The following LAMC2 variants were observed in gnomAD, a reference collection of about 807,000 sequenced individuals.
The protein encoded by LAMC2 is laminin subunit gamma-2.
Under a neutral mutation model 140.2 loss-of-function variants are expected in LAMC2, and 97 were observed. The ratio of observed to expected loss-of-function variants is 0.69; its 90% CI spans 0.59 to 0.82. The LOEUF (loss-of-function observed/expected upper bound fraction) is 0.82. Among genes scored for constraint, LAMC2 ranks in the 40% least tolerant of loss-of-function variants. LAMC2 has a pLI of 0.00. For missense variants in LAMC2, 1,402 were observed against 1,476.1 expected, an observed-to-expected ratio of 0.95 and a Z score of 0.82; for synonymous variants, 513 against 540.2, an observed-to-expected ratio of 0.95 and a Z score of 0.70.
At chr1:183,242,262 G>A (rs74942671) in intron 22 of LAMC2, among the ~76,000 whole-genome samples, 1 of 152,302 alleles carries the variant, frequency 6.6e-6, no homozygotes, top group Non-Finnish European at 1.5e-5. Flanking sequence ...GACCCCAAGT[G>A]AAAGATCCAT....
At position 183,226,697 on chromosome 1, in the gene LAMC2, G is replaced by A. The variant is rs1558092501; in HGVS notation, c.1067-1G>A. 2 of 1,613,590 alleles carry A rather than the reference G, an allele frequency of 1.2e-6. No individual in the cohort carries two copies. Among genetic ancestry groups the A allele is most frequent in the Non-Finnish European group, 1.7e-6 (2 of 1,179,600 alleles). On this transcript the variant is annotated splice_acceptor_variant, in intron 8 of 22. Coordinates refer to ENST00000264144, the MANE Select transcript of LAMC2 (RefSeq NM_005562.3). LOFTEE classifies it high-confidence loss of function. ...CTTCTAACCTGTTCTCTCGATTGCA[G>A]GTACTGGGTACATTGACAATGTGAC...
chr1:183,220,672 G>T (rs1219293235), intron 4 of LAMC2, among the ~76,000 whole-genome samples, 153 bp from the exon 5 acceptor site: 1 of 152,058 alleles, frequency 6.6e-6, no homozygotes, highest in African/African-American at 2.4e-5. Flanking sequence ...TGGTCTGGGG[G>T]TGGGGGTGAT....
At chr1:183,231,311 A>G (rs183701991) in intron 12 of LAMC2, among the ~76,000 whole-genome samples, 1 of 152,332 alleles carries the variant, frequency 6.6e-6, no homozygotes, top group African/African-American at 2.4e-5. Context: ...TACCATTTTC[A>G]AAACCTCTTT....
Position 183,239,372 on chromosome 1 carries a change from C to G in LAMC2, c.2878C>G (p.Leu960Val). The G allele has an allele frequency of 6.2e-7, 1 of 1,614,092 alleles. No individual in the cohort carries two copies. Among genetic ancestry groups the G allele is most frequent in the Non-Finnish European group, 8.5e-7 (1 of 1,180,002 alleles). The stretch of plus-strand genomic sequence containing the variant: ...TCTTTTCTTCATTTCAGAGTTTGAC[C>G]TGCAGGTGGACAACAGAAAAGCAGA... ...SILKNLREFDLQVDNRKAEAE... is the reference protein window; with the variant it reads ...SILKNLREFDVQVDNRKAEAE... The change falls in exon 20 of 23, where the codon CTG becomes GTG. Residue 960 changes from leucine (L) to valine (V), a missense_variant. Coordinates refer to ENST00000264144, the MANE Select transcript of LAMC2 (RefSeq NM_005562.3).
intron 20 of LAMC2, 192 bp downstream of exon 20, chr1:183,239,755 G>A: frequency 1.5e-6 from 1 of 647,600 alleles, no homozygotes; most frequent in Non-Finnish European, 2.7e-6. Flanking sequence ...TTGTCCTCCG[G>A]GTTTTCCCAA....
At chr1:183,241,854 T>TA (rs113711197) in intron 22 of LAMC2, among the ~76,000 whole-genome samples, 27 of 147,886 alleles carry the variant, frequency 1.8e-4, no homozygotes, top group East Asian at 5.9e-4. Flanking sequence ...TTTAGTGTTC[T>TA]AAAAAAAAAA....
intron 1 of LAMC2, among the ~76,000 whole-genome samples, chr1:183,191,590 G>T (rs1293030816): frequency 6.6e-6 from 1 of 151,688 alleles, no homozygotes; most frequent in Non-Finnish European, 1.5e-5. Flanking sequence ...GGGTGCGGTG[G>T]CTCATGCCTT....
chr1:183,218,530 C>T (rs753337692), intron 4 of LAMC2, 42 bp downstream of exon 4: 1 of 1,398,412 alleles, frequency 7.2e-7, no homozygotes, highest in Non-Finnish European at 1.0e-6. Flanking sequence ...GAGAGAGTCC[C>T]TTGCCAACTA....
chr1:183,216,033 C>T (rs74951797), intron 3 of LAMC2, among the ~76,000 whole-genome samples: 1 of 152,274 alleles, frequency 6.6e-6, no homozygotes, highest in African/African-American at 2.4e-5. Flanking sequence ...TGTATCCCTG[C>T]TCGGATATTT....
the LAMC2 span, among the ~76,000 whole-genome samples, chr1:183,257,786 GT>G: frequency 0.046 from 5,394 of 116,768 alleles, 308 homozygotes; most frequent in African/African-American, 0.15. Flanking sequence ...TGTCAATTTT[GT>G]TTTTTTTTTT....
chr1:183,258,131 A>G, the LAMC2 span, among the ~76,000 whole-genome samples: 2 of 152,220 alleles, frequency 1.3e-5, no homozygotes, highest in South Asian at 2.1e-4. Flanking sequence ...GAGAGGCACC[A>G]ACAGGTATAA....
intron 19 of LAMC2, among the ~76,000 whole-genome samples, chr1:183,238,854 A>G (rs1660043430): frequency 6.6e-6 from 1 of 152,250 alleles, no homozygotes; most frequent in Non-Finnish European, 1.5e-5. Context: ...CTTTGTGGTG[A>G]TAACAGAGCA....
Position 183,232,173 on chromosome 1 carries a change from C to A in LAMC2, c.1858-14C>A. The A allele has an allele frequency of 6.2e-7, 1 of 1,613,360 alleles. No homozygotes were observed. Among genetic ancestry groups the A allele is most frequent in the Non-Finnish European group, 8.5e-7 (1 of 1,179,946 alleles). On this transcript the variant is annotated splice_polypyrimidine_tract_variant and intron_variant, in intron 12 of 22. Coordinates refer to ENST00000264144, the MANE Select transcript of LAMC2 (RefSeq NM_005562.3). Reference sequence around the variant, plus strand: ...GTCTCCACCCTCGTTCTGATCTTTCCTGTGTGGTTTCAGATGGATCAGTTT... The same window carrying A: ...GTCTCCACCCTCGTTCTGATCTTTCATGTGTGGTTTCAGATGGATCAGTTT...
chr1:183,240,641 A>G, intron 22 of LAMC2: 1 of 1,404,548 alleles, frequency 7.1e-7, no homozygotes, highest in Non-Finnish European at 9.2e-7. Flanking sequence ...TGGGCCAAAG[A>G]ACAGGTGTAT....
the LAMC2 span, among the ~76,000 whole-genome samples, chr1:183,255,718 C>T: frequency 1.4e-5 from 2 of 143,050 alleles, no homozygotes; most frequent in African/African-American, 5.2e-5. Flanking sequence ...GGCAGGCATG[C>T]AATGGTGTGA....
intron 5 of LAMC2, 28 bp downstream of exon 5, chr1:183,220,989 GT>G (rs771653362): frequency 1.2e-6 from 2 of 1,608,200 alleles, no homozygotes; most frequent in Non-Finnish European, 8.5e-7. Flanking sequence ...CTAGGTTTTA[GT>G]TTTTTAATGT....
chr1:183,220,923 A>C lies in LAMC2; in HGVS notation c.602A>C (p.Glu201Ala). ...TCAGCCAGCTGCCGCAGCTCTGCAG[A>C]ATACAGTGTCCATAAGATCACCTCT... ...GHSASCRSSAEYSVHKITSTF... is the reference protein window; with the variant it reads ...GHSASCRSSAAYSVHKITSTF... The change falls in exon 5 of 23, where the codon GAA becomes GCA. Residue 201 changes from glutamate to alanine, a missense_variant. Glu to Ala is a moderately radical substitution (Grantham distance 107). Transcript: ENST00000264144. The C allele has an allele frequency of 6.2e-7, 1 of 1,614,188 alleles. No individual in the cohort carries two copies.
At chr1:183,188,095 A>G (rs1658210680) in intron 1 of LAMC2, among the ~76,000 whole-genome samples, 1 of 152,200 alleles carries the variant, frequency 6.6e-6, no homozygotes, top group Admixed American at 6.5e-5. Flanking sequence ...CACTTCTTAA[A>G]GACATACCAG....
chr1:183,234,538 T>C, intron 15 of LAMC2, 92 bp downstream of exon 15: 1 of 1,003,592 alleles, frequency 1.0e-6, no homozygotes, highest in Non-Finnish European at 1.6e-6. Flanking sequence ...CCAAGCATCG[T>C]ATTTATTCTC....
Sources: allele counts gnomAD v4.1 joint callset (sites outside exome capture counted in the v4.1 genomes callset), GRCh38; gene constraint gnomAD v4.1.1; transcripts MANE v1.5; gene names NCBI Gene and HGNC (gene_info 2026-07-23, HGNC 2026-07-21).